SH3RF2: variants seen among roughly 807,000 people sequenced by gnomAD.
The protein encoded by SH3RF2 is E3 ubiquitin-protein ligase SH3RF2.
Under a neutral mutation model 59.0 loss-of-function variants are expected in SH3RF2, and 43 were observed. The observed-to-expected ratio is 0.73, with a 90% CI of 0.57 to 0.94. The LOEUF is 0.94. Ranked by LOEUF, SH3RF2 falls within the 40% of genes least tolerant of loss-of-function variation. The pLI is 0.00. For synonymous variants in SH3RF2, 391 were observed against 391.5 expected (o/e 1.00, Z 0.01); for missense variants, 930 against 940.1 (o/e 0.99, Z 0.14).
chr5:145,965,325 T>C (rs1395706554), intron 2 of SH3RF2, among the ~76,000 whole-genome samples: 1 of 152,218 alleles, frequency 6.6e-6, no homozygotes, highest in Non-Finnish European at 1.5e-5. Flanking sequence ...CAATGTCTGA[T>C]TGTGTAGGTA....
At chr5:146,062,115 C>T (rs1174497721) in intron 9 of SH3RF2, among the ~76,000 whole-genome samples, 14 of 151,990 alleles carry the variant, frequency 9.2e-5, no homozygotes, top group Non-Finnish European at 1.5e-5. Flanking sequence ...GGGATCATAC[C>T]CTCTTGCCTC....
chr5:146,057,960 CTCTCTCTCTATCTA>C (rs763190342), intron 8 of SH3RF2, among the ~76,000 whole-genome samples: 922 of 80,150 alleles, frequency 0.012, 8 homozygotes, highest in Non-Finnish European at 0.02. Flanking sequence ...CTCTCTCTCT[CTCTCTCTCTATCTA>C]TCTATCTATC....
chr5:146,080,495 C>T (rs1017070874), exon 10 of SH3RF2: 3 of 151,944 alleles, frequency 2.0e-5, no homozygotes, highest in Non-Finnish European at 4.4e-5. Flanking sequence ...ATAAATAAAC[C>T]TTCCATATAT....
intron 5 of SH3RF2, among the ~76,000 whole-genome samples, chr5:146,038,686 A>G (rs1762025353): frequency 6.6e-6 from 1 of 152,254 alleles, no homozygotes; most frequent in African/African-American, 2.4e-5. Flanking sequence ...TAAGTGGAGA[A>G]TTATGCAATG....
intron 2 of SH3RF2, among the ~76,000 whole-genome samples, chr5:145,988,983 A>G (rs1759826964): frequency 6.6e-6 from 1 of 152,238 alleles, no homozygotes; most frequent in African/African-American, 2.4e-5. Context: ...TCGTTGGTTA[A>G]GCAGCAACTA....
At chr5:146,015,738 CA>C (rs1287036790) in intron 5 of SH3RF2, among the ~76,000 whole-genome samples, 1 of 152,222 alleles carries the variant, frequency 6.6e-6, no homozygotes, top group South Asian at 2.1e-4. Context: ...GGATTCAAAA[CA>C]AGTATTATTA....
rs535401201 is a variant in SH3RF2, at chr5:146,052,772, T to TTTACTTC, written c.1323-3206_1323-3200dup. 1.4e-3 allele frequency among the ~76,000 whole-genome samples: 214 copies of TTTACTTC among 152,304 alleles called. 1 individual carries two copies. Among genetic ancestry groups the TTTACTTC allele is most frequent in the African/African-American group, 4.8e-3 (199 of 41,562 alleles). ...TAACCACCATTTCCTTGGTGGGAAGTTTACTTCTTCCCATGTCTCAGGGAT... is the reference window on the plus strand; with the variant it reads ...TAACCACCATTTCCTTGGTGGGAAGTTTACTTCTTACTTCTTCCCATGTCTCAGGGAT... On this transcript the variant is annotated intron_variant, in intron 7 of 9. Coordinates refer to ENST00000359120, the MANE Select transcript of SH3RF2 (RefSeq NM_152550.4).
chr5:146,072,282 T>C (rs757889166), intron 9 of SH3RF2, among the ~76,000 whole-genome samples: 13 of 152,174 alleles, frequency 8.5e-5, no homozygotes, highest in Non-Finnish European at 1.8e-4. Context: ...CAGATGTTGG[T>C]ATGCAGAAAG....
chr5:145,960,160 C>G (rs1758578658), intron 2 of SH3RF2, among the ~76,000 whole-genome samples: 1 of 152,166 alleles, frequency 6.6e-6, no homozygotes, highest in African/African-American at 2.4e-5. Flanking sequence ...TGAATCAAAC[C>G]TCCTGCCTCA....
intron 2 of SH3RF2, among the ~76,000 whole-genome samples, chr5:145,965,448 CTTT>C (rs901458450): frequency 1.3e-5 from 2 of 151,692 alleles, no homozygotes; most frequent in African/African-American, 4.8e-5. Flanking sequence ...GAGCCATCAT[CTTT>C]TTTTTGCCAT....
At chr5:146,074,722 A>C (rs1192013785) in intron 9 of SH3RF2, among the ~76,000 whole-genome samples, 2 of 152,180 alleles carry the variant, frequency 1.3e-5, no homozygotes, top group Non-Finnish European at 2.9e-5. Flanking sequence ...CATTCAGAAA[A>C]TACTTATTAC....
At chr5:145,973,441 A>T (rs1474774960) in intron 2 of SH3RF2, among the ~76,000 whole-genome samples, 1 of 152,178 alleles carries the variant, frequency 6.6e-6, no homozygotes, top group African/African-American at 2.4e-5. Context: ...CTCAAAATTA[A>T]GTCTTTTGAG....
chr5:146,002,946 C>G (rs774177777), intron 3 of SH3RF2, among the ~76,000 whole-genome samples: 1 of 152,202 alleles, frequency 6.6e-6, no homozygotes, highest in Non-Finnish European at 1.5e-5. Context: ...TCCACAAAAC[C>G]AGTCCCTGGT....
In SH3RF2 at chr5:145,937,965, C is replaced by G. The variant is rs548300425; in HGVS notation, c.37C>G (p.Pro13Ala). ...DLTLLDLLEC[P>A]VCFEKLDVTA... ...GACGTTACTTGATCTTCTGGAGTGC[C>G]CTGTGTGCTTTGAGAAGCTCGATGT... The change falls in exon 2 of 10, where the codon CCT (proline) becomes GCT (alanine). Residue 13 changes from proline (P) to alanine (A), a missense_variant. Coordinates refer to ENST00000359120, the MANE Select transcript of SH3RF2 (RefSeq NM_152550.4). 1 of 1,614,034 alleles carries G rather than the reference C, an allele frequency of 6.2e-7. No homozygotes were observed. The highest frequency in any genetic ancestry group is 8.5e-7 in the Non-Finnish European group (1 of 1,180,040).
chr5:146,014,760 G>A (rs1761041504), intron 5 of SH3RF2, among the ~76,000 whole-genome samples: 1 of 152,172 alleles, frequency 6.6e-6, no homozygotes, highest in Admixed American at 6.5e-5. Flanking sequence ...GCACCATGAT[G>A]CCCACCATAT....
intron 9 of SH3RF2, among the ~76,000 whole-genome samples, chr5:146,073,179 TG>T (rs1561777079): frequency 6.6e-6 from 1 of 152,218 alleles, no homozygotes; most frequent in Non-Finnish European, 1.5e-5. Flanking sequence ...GTGCCAGGGT[TG>T]GGGCAATATG....
chr5:146,057,242 G>A (rs900970239), intron 8 of SH3RF2, among the ~76,000 whole-genome samples: 3 of 152,232 alleles, frequency 2.0e-5, no homozygotes, highest in Middle Eastern at 3.4e-3. Context: ...TCTTAGCTTC[G>A]CTGTCCAGTG....
intron 2 of SH3RF2, among the ~76,000 whole-genome samples, chr5:145,957,449 C>T (rs1021451439): frequency 6.6e-6 from 1 of 152,074 alleles, no homozygotes; most frequent in Non-Finnish European, 1.5e-5. Flanking sequence ...GTAGAACTTG[C>T]TGCAAATTGG....
chr5:146,055,579 T>C (rs1031098232), intron 7 of SH3RF2, among the ~76,000 whole-genome samples: 9 of 152,190 alleles, frequency 5.9e-5, no homozygotes, highest in African/African-American at 2.2e-4. Flanking sequence ...TTGGAATTTG[T>C]GAAAAAGTCA....
Sources: gnomAD v4.1 joint callset for allele counts (sites outside exome capture counted in the v4.1 genomes callset) on GRCh38, gnomAD v4.1.1 for gene constraint, MANE v1.5 for transcripts, NCBI Gene and HGNC (gene_info 2026-07-23, HGNC 2026-07-21) for gene names.